The following CLDN14 variants were observed in gnomAD, a reference collection of about 807,000 sequenced individuals.
The protein encoded by CLDN14 is claudin 14.
A neutral mutation model predicts 2.1 loss-of-function variants in CLDN14; 2 were observed. The ratio of observed to expected loss-of-function variants is 0.96; its 90% CI spans 0.39 to 3.01. The LOEUF (loss-of-function observed/expected upper bound fraction) is 3.01, where lower values mean the gene tolerates loss of function less well. CLDN14 is among the 30% of genes most tolerant of loss of function. The probability of loss-of-function intolerance (pLI) is 0.09; values close to 1 mark genes in which losing one functional copy is unlikely to be tolerated. For missense variants in CLDN14, 298 were observed against 328.0 expected (o/e 0.91, Z 0.71); for synonymous variants, 136 against 154.4 (o/e 0.88, Z 0.88).
upstream of CLDN14, chr21:36,480,621 T>C (rs1398319523): frequency 6.6e-6 from 1 of 152,174 alleles, no homozygotes; most frequent in Non-Finnish European, 1.5e-5. Flanking sequence ...GCTCCAAGGT[T>C]TGGGGACCCT....
At chr21:36,496,471 G>A (rs2146469100) in intron 2 of CLDN14, among the ~76,000 whole-genome samples, 2 of 146,618 alleles carry the variant, frequency 1.4e-5, no homozygotes, top group East Asian at 4.1e-4. Flanking sequence ...AGGGTTTCTA[G>A]AGCCTGTGCT....
intron 1 of CLDN14, among the ~76,000 whole-genome samples, chr21:36,537,079 A>G (rs1190434606): frequency 1.3e-5 from 2 of 152,160 alleles, no homozygotes; most frequent in Non-Finnish European, 1.5e-5. Context: ...AATTTCAGCT[A>G]CTCGTGAGGC....
At chr21:36,484,741 T>G (rs1243192876), upstream of CLDN14, among the ~76,000 whole-genome samples, 9 of 152,192 alleles carry the variant, frequency 5.9e-5, no homozygotes, top group Non-Finnish European at 1.2e-4. Context: ...AGACAGAGTT[T>G]CATTCTTTCT....
At chr21:36,463,992 G>A (rs534268933) in intron 1 of CLDN14, among the ~76,000 whole-genome samples, 2 of 152,326 alleles carry the variant, frequency 1.3e-5, no homozygotes, top group Admixed American at 6.5e-5. Context: ...CAGGTGATAG[G>A]GTTTGGATTT....
chr21:36,513,514 C>T (rs2087201238), intron 1 of CLDN14, among the ~76,000 whole-genome samples: 2 of 152,160 alleles, frequency 1.3e-5, no homozygotes, highest in South Asian at 2.1e-4. Context: ...TTGTTAAAGC[C>T]AGCTGAGGTG....
chr21:36,531,380 G>C (rs2087379064), intron 1 of CLDN14, among the ~76,000 whole-genome samples: 1 of 151,520 alleles, frequency 6.6e-6, no homozygotes, highest in South Asian at 2.1e-4. Flanking sequence ...CACCTCCTGG[G>C]TTCCAGCCTC....
At chr21:36,566,978 C>G (rs2087677704) in intron 1 of CLDN14, among the ~76,000 whole-genome samples, 1 of 152,142 alleles carries the variant, frequency 6.6e-6, no homozygotes, top group African/African-American at 2.4e-5. Context: ...CTGGGAGTGT[C>G]AAGTTTGGGA....
At chr21:36,542,015 T>G (rs2087493016) in intron 1 of CLDN14, among the ~76,000 whole-genome samples, 5 of 152,176 alleles carry the variant, frequency 3.3e-5, no homozygotes. Context: ...TGGAGTGCAG[T>G]GGTGTGATCT....
chr21:36,512,077 T>A (rs2087191223), intron 1 of CLDN14, among the ~76,000 whole-genome samples: 1 of 152,152 alleles, frequency 6.6e-6, no homozygotes, highest in South Asian at 2.1e-4. Flanking sequence ...GCCCTGATGC[T>A]CCTATGTGAG....
intron 2 of CLDN14, among the ~76,000 whole-genome samples, chr21:36,505,577 C>T (rs1439997340): frequency 6.6e-6 from 1 of 152,196 alleles, no homozygotes; most frequent in Non-Finnish European, 1.5e-5. Flanking sequence ...CAGTCAGCAG[C>T]TCACCAGAAC....
intron 2 of CLDN14, among the ~76,000 whole-genome samples, chr21:36,493,612 G>A (rs1007431647): frequency 1.3e-5 from 2 of 152,132 alleles, no homozygotes; most frequent in Admixed American, 6.5e-5. Flanking sequence ...GGCACGAGGA[G>A]GAGGAGGGAA....
chr21:36,482,371 CGGATGGAT>C (rs59947271), upstream of CLDN14, among the ~76,000 whole-genome samples: 14 of 137,202 alleles, frequency 1.0e-4, no homozygotes, highest in South Asian at 4.7e-4. Flanking sequence ...GATAGACTGA[CGGATGGAT>C]GGATGGATGG....
upstream of CLDN14, chr21:36,480,291 A>G (rs2086831497): frequency 6.6e-6 from 1 of 152,302 alleles, no homozygotes; most frequent in Non-Finnish European, 1.5e-5. Context: ...CGGGTCAAGG[A>G]GCACAGTGTG....
At chr21:36,549,924 T>C (rs984059753) in intron 1 of CLDN14, among the ~76,000 whole-genome samples, 8 of 152,234 alleles carry the variant, frequency 5.3e-5, no homozygotes, top group African/African-American at 1.9e-4. Context: ...AGCCCATTCA[T>C]GTTACTGATT....
intron 2 of CLDN14, among the ~76,000 whole-genome samples, chr21:36,496,579 C>T (rs368865252): frequency 6.7e-6 from 1 of 149,618 alleles, no homozygotes; most frequent in African/African-American, 2.5e-5. Flanking sequence ...CCCTGCTCCC[C>T]CTTCCTAGTC....
At position 36,460,819 on chromosome 21, in the gene CLDN14, TC is replaced by T. The variant is rs2146408874; in HGVS notation, c.*156del. The T allele has an allele frequency of 1.2e-6, 1 of 837,416 alleles. No individual in the cohort carries two copies. The highest frequency in any genetic ancestry group is 2.7e-5 in the East Asian group (1 of 37,148). The allele number at this position is 837,416 out of a possible 1,614,324, so 51.9% of individuals were successfully genotyped here. ...TCTCCTCCTCTTATTTCCCCCTCTG[TC>T]CCTGTGCTCTAAAGACATTTCCTCG... On this transcript the variant is annotated 3_prime_UTR_variant, in exon 2 of 2. Coordinates refer to ENST00000399135, the MANE Select transcript of CLDN14 (RefSeq NM_001146079.2). The surrounding 1 kb of genome is among the most constrained non-coding windows in gnomAD (Gnocchi z 4.0).
chr21:36,500,877 C>T (rs1449430534), intron 2 of CLDN14, among the ~76,000 whole-genome samples: 1 of 152,240 alleles, frequency 6.6e-6, no homozygotes, highest in East Asian at 1.9e-4. Context: ...TTTAATAAGA[C>T]TTGCTATCAC....
At chr21:36,548,547 G>A (rs1296427301) in intron 1 of CLDN14, among the ~76,000 whole-genome samples, 1 of 152,198 alleles carries the variant, frequency 6.6e-6, no homozygotes, top group Non-Finnish European at 1.5e-5. Context: ...GGGGGAATGG[G>A]GTCTGGGCAG....
At chr21:36,570,143 C>G (rs1354197395) in intron 1 of CLDN14, among the ~76,000 whole-genome samples, 1 of 152,154 alleles carries the variant, frequency 6.6e-6, no homozygotes, top group African/African-American at 2.4e-5. Flanking sequence ...TAAAAATTTC[C>G]TTATTGGCAA....
Sources: allele counts gnomAD v4.1 joint callset (sites outside exome capture counted in the v4.1 genomes callset), GRCh38; gene constraint gnomAD v4.1.1; non-coding constraint Gnocchi (gnomAD v3.1); transcripts MANE v1.5; gene names NCBI Gene and HGNC (gene_info 2026-07-23, HGNC 2026-07-21).